Variants in NEBL observed in about 807,000 individuals in gnomAD.
The protein encoded by NEBL is LIM and SH3 protein 2.
A neutral mutation model predicts 140.2 loss-of-function variants in NEBL; 122 were observed. The ratio of observed to expected loss-of-function variants is 0.87; its 90% CI spans 0.75 to 1.01. The LOEUF (loss-of-function observed/expected upper bound fraction) is 1.01. NEBL is among the 50% of genes least tolerant of loss of function. The pLI is 0.00. For missense variants in NEBL, 1,365 were observed against 1,231.3 expected (o/e 1.11, Z -1.62); for synonymous variants, 436 against 398.9 (o/e 1.09, Z -1.11).
intron 26 of NEBL, among the ~76,000 whole-genome samples, chr10:20,808,247 C>G (rs1837789383): frequency 6.6e-6 from 1 of 151,712 alleles, no homozygotes; most frequent in Non-Finnish European, 1.5e-5. Flanking sequence ...AGCAGCAAGT[C>G]TCAAGACCCT....
intron 2 of NEBL, among the ~76,000 whole-genome samples, chr10:21,101,042 G>A (rs937139559): frequency 6.6e-6 from 1 of 152,112 alleles, no homozygotes; most frequent in Non-Finnish European, 1.5e-5. Context: ...AGAGACACAG[G>A]GGAGGTTATT....
chr10:21,209,730 C>T (rs111401122), intron 3 of NEBL, among the ~76,000 whole-genome samples: 9 of 147,408 alleles, frequency 6.1e-5, no homozygotes, highest in South Asian at 2.1e-4. Flanking sequence ...CTTGAGATCA[C>T]GAGGTAACAA....
chr10:21,160,554 C>T (rs1840516400), intron 2 of NEBL, among the ~76,000 whole-genome samples: 2 of 151,770 alleles, frequency 1.3e-5, no homozygotes, highest in South Asian at 4.2e-4. Context: ...AAATAGAATT[C>T]CCCTTAATGT....
chr10:20,828,574 G>A lies in NEBL; in HGVS notation c.1732C>T (p.Pro578Ser), dbSNP rs767675377. The change falls in exon 17 of 28, where the codon CCT becomes TCT. Residue 578 changes from proline (P) to serine (S), a missense_variant. Around this residue, in one of 2 missense-constraint regions of NEBL, gnomAD observed 1,323 missense variants for 1,154.8 expected, o/e 1.15. Transcript: ENST00000377122. ...GTTGTCTTAATTCTCTGAATTTCAG[G>A]AGTATCTGCTATGGTAGAATAGTTA... is the stretch of plus-strand genomic sequence containing the variant. ...LSNYSTIADT[P>S]EIQRIKTTQQ... 1.1e-5 allele frequency: 18 copies of A among 1,597,602 alleles called. No homozygotes were observed. The Admixed American group carries it at 2.3e-4, about 21-fold the overall frequency.
intron 2 of NEBL, 151 bp downstream of exon 2, chr10:20,896,807 C>T (rs1847536632): frequency 2.6e-6 from 2 of 772,550 alleles, no homozygotes; most frequent in South Asian, 2.9e-5. Flanking sequence ...GGGGAAATCA[C>T]TGAAAATTTC....
At chr10:20,804,028 T>C (rs1837386931) in intron 26 of NEBL, among the ~76,000 whole-genome samples, 1 of 151,980 alleles carries the variant, frequency 6.6e-6, no homozygotes, top group Non-Finnish European at 1.5e-5. Context: ...AAAATATTCA[T>C]TTGGCCATTT....
intron 1 of NEBL, among the ~76,000 whole-genome samples, chr10:21,279,977 A>G (rs1345103489): frequency 6.6e-6 from 1 of 152,084 alleles, no homozygotes; most frequent in Non-Finnish European, 1.5e-5. Flanking sequence ...CCCAGAGGTT[A>G]ATTTTATACT....
At chr10:21,085,585 T>C (rs1348472980) in intron 2 of NEBL, among the ~76,000 whole-genome samples, 1 of 152,184 alleles carries the variant, frequency 6.6e-6, no homozygotes, top group Non-Finnish European at 1.5e-5. Context: ...CAGTGAACTA[T>C]GATCATGCCA....
chr10:20,819,528 G>A lies in NEBL; in HGVS notation c.1963-12C>T, dbSNP rs1386926447. Reference sequence around the variant, plus strand: ...TCTTTATACTGGAGCTGAGAGACAAGGTGCAAGACAGTTTGAGATTATGGG... The same window carrying A: ...TCTTTATACTGGAGCTGAGAGACAAAGTGCAAGACAGTTTGAGATTATGGG... On this transcript the variant is annotated splice_polypyrimidine_tract_variant and intron_variant, in intron 19 of 27. Transcript: ENST00000377122. 6.2e-7 allele frequency: 1 copy of A among 1,613,670 alleles called. No homozygotes were observed. Among genetic ancestry groups the A allele is most frequent in the Non-Finnish European group, 8.5e-7 (1 of 1,179,784 alleles).
At chr10:20,971,472 T>G in intron 3 of NEBL, among the ~76,000 whole-genome samples, 1 of 151,598 alleles carries the variant, frequency 6.6e-6, no homozygotes, top group African/African-American at 2.4e-5. Flanking sequence ...ATACTTTAAG[T>G]TTTAGGGTAC....
At chr10:20,853,659 G>A (rs903120674) in intron 9 of NEBL, among the ~76,000 whole-genome samples, 14 of 152,180 alleles carry the variant, frequency 9.2e-5, no homozygotes, top group Non-Finnish European at 1.9e-4. Context: ...ATGGTGACAT[G>A]CACCTATAGC....
chr10:20,907,695 G>A (rs907240545), intron 4 of NEBL, among the ~76,000 whole-genome samples: 1 of 152,066 alleles, frequency 6.6e-6, no homozygotes. Context: ...TCACTGAAAC[G>A]AGATTTTCCT....
chr10:21,007,426 T>C (rs943271522), intron 3 of NEBL, among the ~76,000 whole-genome samples: 2 of 152,258 alleles, frequency 1.3e-5, no homozygotes, highest in African/African-American at 4.8e-5. Context: ...TCTCCATTTG[T>C]AATTTATGCC....
chr10:20,829,728 A>G (rs1244232760), intron 16 of NEBL, among the ~76,000 whole-genome samples: 4 of 152,166 alleles, frequency 2.6e-5, no homozygotes, highest in Non-Finnish European at 5.9e-5. Flanking sequence ...ACCACACTAA[A>G]AAAAAATCTA....
intron 3 of NEBL, among the ~76,000 whole-genome samples, chr10:21,244,254 C>T (rs1437862031): frequency 1.3e-5 from 2 of 151,894 alleles, no homozygotes; most frequent in Non-Finnish European, 2.9e-5. Flanking sequence ...CAACCTCTGC[C>T]TCTTGGGTTC....
At chr10:21,215,837 T>C (rs1841984036) in intron 3 of NEBL, among the ~76,000 whole-genome samples, 1 of 152,144 alleles carries the variant, frequency 6.6e-6, no homozygotes. Flanking sequence ...GTTTTTGTTT[T>C]TGATTTGGTT....
chr10:21,154,716 T>C (rs1267548924), intron 2 of NEBL, among the ~76,000 whole-genome samples: 1 of 152,214 alleles, frequency 6.6e-6, no homozygotes, highest in Admixed American at 6.5e-5. Context: ...AATCTCTTTA[T>C]TGCCTTTATT....
chr10:21,276,401 T>C (rs1842925702), intron 1 of NEBL, among the ~76,000 whole-genome samples: 1 of 152,172 alleles, frequency 6.6e-6, no homozygotes, highest in Non-Finnish European at 1.5e-5. Flanking sequence ...CAACCCCTAG[T>C]GTAGCCCTGG....
intron 2 of NEBL, among the ~76,000 whole-genome samples, chr10:21,054,515 T>C (rs1834923394): frequency 6.6e-6 from 1 of 152,222 alleles, no homozygotes; most frequent in Non-Finnish European, 1.5e-5. Flanking sequence ...TTTGTTTGTT[T>C]GTTTTTCTGG....
Sources: gnomAD v4.1 joint callset for allele counts (sites outside exome capture counted in the v4.1 genomes callset) on GRCh38, gnomAD v4.1.1 for gene constraint, gnomAD v4.1.1 regional missense constraint, MANE v1.5 for transcripts, NCBI Gene and HGNC (gene_info 2026-07-23, HGNC 2026-07-21) for gene names.